The following ZFP1 variants were observed in gnomAD, a reference collection of about 807,000 sequenced individuals.
ZFP1 encodes ZFP1 zinc finger protein.
Under a neutral mutation model 38.5 loss-of-function variants are expected in ZFP1, and 32 were observed. The observed-to-expected ratio is 0.83, with a 90% CI of 0.63 to 1.12. The LOEUF is 1.12. Among genes scored for constraint, ZFP1 ranks in the 50% most tolerant of loss-of-function variants. The pLI is 0.00. For synonymous variants in ZFP1, 245 were observed against 168.8 expected (o/e 1.45, Z -3.50); for missense variants, 616 against 480.8 (o/e 1.28, Z -2.63).
At chr16:75,163,139 C>G (rs1039270289) in intron 2 of ZFP1, among the ~76,000 whole-genome samples, 1 of 151,688 alleles carries the variant, frequency 6.6e-6, no homozygotes, top group African/African-American at 2.4e-5. Context: ...GAACTCCTGA[C>G]CTCGTGATCC....
rs1402744023 is a variant in ZFP1, at chr16:75,152,902, A to G, written c.-43-7A>G. 6.2e-7 allele frequency: 1 copy of G among 1,610,976 alleles called. No individual in the cohort carries two copies. The highest frequency in any genetic ancestry group is 8.5e-7 in the Non-Finnish European group (1 of 1,178,882). On this transcript the variant is annotated splice_polypyrimidine_tract_variant and splice_region_variant and intron_variant, in intron 1 of 3. Coordinates refer to ENST00000570010, the MANE Select transcript of ZFP1 (RefSeq NM_153688.4). The stretch of plus-strand genomic sequence containing the variant: ...ATAACAATGCCTTCCTTTTTCCTCT[A>G]TTCCAGTTCTGCCTTCATAGTTCTC...
At chr16:75,157,645 A>G (rs2145526645) in intron 2 of ZFP1, among the ~76,000 whole-genome samples, 1 of 152,280 alleles carries the variant, frequency 6.6e-6, no homozygotes, top group Non-Finnish European at 1.5e-5. Context: ...AAGCTGTGTT[A>G]GTCATTGCAT....
chr16:75,130,650 A>G, the ZFP1 span, among the ~76,000 whole-genome samples: 1 of 152,134 alleles, frequency 6.6e-6, no homozygotes, highest in South Asian at 2.1e-4. Flanking sequence ...GGCTGCCACC[A>G]ACTGTTATTT....
At chr16:75,144,464 C>T (rs1405607522), upstream of ZFP1, among the ~76,000 whole-genome samples, 1 of 152,140 alleles carries the variant, frequency 6.6e-6, no homozygotes, top group Non-Finnish European at 1.5e-5. Context: ...TTAGATCCTT[C>T]CCAAGGTTTT....
rs538505446 is a variant in ZFP1, at chr16:75,171,491, A to G, written c.*1157A>G. On this transcript the variant is annotated 3_prime_UTR_variant, in exon 4 of 4. Transcript: ENST00000570010. ...AACATTTCCCTTTGGAACATGAGTTATAAGTTATTACTTTTCCTTTACATG... is the reference window on the plus strand; with the variant it reads ...AACATTTCCCTTTGGAACATGAGTTGTAAGTTATTACTTTTCCTTTACATG... The G allele has an allele frequency of 6.6e-6, 1 of 152,336 alleles. No homozygotes were observed. Among genetic ancestry groups the G allele is most frequent in the Non-Finnish European group, 1.5e-5 (1 of 68,032 alleles). 9.4% of individuals were successfully genotyped at this position (152,336 alleles called of 1,614,324 possible).
At chr16:75,140,590 A>T in the ZFP1 span, among the ~76,000 whole-genome samples, 1 of 152,192 alleles carries the variant, frequency 6.6e-6, no homozygotes, top group Admixed American at 6.6e-5. Flanking sequence ...GTGCTCTGGC[A>T]TGGCGCCTGC....
chr16:75,145,576 A>G (rs1454877876), upstream of ZFP1, among the ~76,000 whole-genome samples: 1 of 152,140 alleles, frequency 6.6e-6, no homozygotes, highest in Non-Finnish European at 1.5e-5. Context: ...CAAACAGAAG[A>G]GCAGCAGAGG....
At chr16:75,157,244 CT>C (rs34937264) in intron 2 of ZFP1, 13,578 of 112,436 alleles carry the variant, frequency 0.12, 806 homozygotes, top group African/African-American at 0.28. Flanking sequence ...CTGAAAATGT[CT>C]TTTTTTTTTT....
the ZFP1 span, among the ~76,000 whole-genome samples, chr16:75,141,752 A>G: frequency 6.6e-6 from 1 of 151,694 alleles, no homozygotes; most frequent in East Asian, 1.9e-4. Context: ...TAAAAAAAAA[A>G]AAAGAGAGAA....
At chr16:75,135,964 C>T in the ZFP1 span, among the ~76,000 whole-genome samples, 2 of 152,150 alleles carry the variant, frequency 1.3e-5, no homozygotes, top group African/African-American at 2.4e-5. Context: ...TACAGGCACC[C>T]GCCGCCATGC....
At position 75,169,685 on chromosome 16, in the gene ZFP1, C is replaced by G; in HGVS notation, c.575C>G (p.Ala192Gly). The change falls in exon 4 of 4, where the codon GCT becomes GGT. Residue 192 changes from alanine to glycine, a missense_variant. By Grantham distance (60) the Ala-to-Gly change is moderately conservative. Transcript: ENST00000570010. The stretch of plus-strand genomic sequence containing the variant: ...TTCATTTGTACTTACTGTGACAAGG[C>G]TTTCTCCTTTAAGTCACTCCTCATT... ...QPFICTYCDK[A>G]FSFKSLLISH... 1 of 1,610,850 alleles carries G rather than the reference C, an allele frequency of 6.2e-7. No individual in the cohort carries two copies. Among genetic ancestry groups the G allele is most frequent in the Non-Finnish European group, 8.5e-7 (1 of 1,178,900 alleles).
chr16:75,136,157 C>T, the ZFP1 span, among the ~76,000 whole-genome samples: 1 of 152,074 alleles, frequency 6.6e-6, no homozygotes. Flanking sequence ...TCGGGGGAGT[C>T]CCAGGAAAAA....
the ZFP1 span, among the ~76,000 whole-genome samples, chr16:75,123,497 A>G: frequency 7.4e-3 from 811 of 108,884 alleles, 16 homozygotes; most frequent in African/African-American, 0.029. Flanking sequence ...ATATATATAT[A>G]TATGTAGGAA....
rs35987097 is a variant in ZFP1, at chr16:75,154,276, A to G, written c.15+1310A>G. On this transcript the variant is annotated intron_variant, in intron 2 of 3. Transcript: ENST00000570010. ...AAGTCTTTTCTTGGCTTGATAACTC[A>G]TTTCTTCTTAGTACTGAATATGTCA... Among the ~76,000 whole-genome samples, 63 of 152,038 alleles carry G rather than the reference A, an allele frequency of 4.1e-4. 1 individual carries two copies. The highest frequency in any genetic ancestry group is 6.2e-4 in the Non-Finnish European group (42 of 68,010).
chr16:75,145,988 G>A (rs1162615635), upstream of ZFP1, among the ~76,000 whole-genome samples: 1 of 152,136 alleles, frequency 6.6e-6, no homozygotes, highest in African/African-American at 2.4e-5. Context: ...TGGGGCCAGA[G>A]CCCAAAGGTG....
At chr16:75,151,300 T>C (rs1042735436) in intron 1 of ZFP1, among the ~76,000 whole-genome samples, 1 of 152,332 alleles carries the variant, frequency 6.6e-6, no homozygotes, top group South Asian at 2.1e-4. Flanking sequence ...TTACTTTTTT[T>C]ATATAATTTG....
At chr16:75,134,650 G>C in the ZFP1 span, among the ~76,000 whole-genome samples, 1 of 151,924 alleles carries the variant, frequency 6.6e-6, no homozygotes, top group South Asian at 2.1e-4. Context: ...TACTCAGGAG[G>C]CTGAGGCAGG....
chr16:75,155,122 T>C (rs1323249895), intron 2 of ZFP1, among the ~76,000 whole-genome samples: 2 of 152,092 alleles, frequency 1.3e-5, no homozygotes, highest in Non-Finnish European at 1.5e-5. Context: ...ATCTCTTAAT[T>C]ATGTGATTTG....
chr16:75,133,183 G>A, the ZFP1 span, among the ~76,000 whole-genome samples: 14 of 152,140 alleles, frequency 9.2e-5, no homozygotes, highest in African/African-American at 3.4e-4. Flanking sequence ...CGCCATGTTG[G>A]CCAGGCTGGT....
Sources: allele counts gnomAD v4.1 joint callset (sites outside exome capture counted in the v4.1 genomes callset), GRCh38; gene constraint gnomAD v4.1.1; transcripts MANE v1.5; gene names NCBI Gene and HGNC (gene_info 2026-07-23, HGNC 2026-07-21).